Variants in PDE4A observed in about 807,000 individuals in gnomAD.
PDE4A encodes 3',5'-cyclic-AMP phosphodiesterase 4A.
A neutral mutation model predicts 73.9 loss-of-function variants in PDE4A; 21 were observed. The observed-to-expected ratio is 0.28, with a 90% CI of 0.20 to 0.41. The LOEUF (loss-of-function observed/expected upper bound fraction) is 0.41. Among genes scored for constraint, PDE4A ranks in the 10% least tolerant of loss-of-function variants. PDE4A has a pLI of 1.00. For missense variants in PDE4A, 958 were observed against 1,211.4 expected (o/e 0.79, Z 3.10); for synonymous variants, 463 against 505.4 (o/e 0.92, Z 1.13).
Position 10,420,934 on chromosome 19 carries a change from G to C in PDE4A, c.170G>C (p.Arg57Pro), listed in dbSNP as rs754143468. The change falls in exon 1 of 15, where the codon CGG becomes CCG. Residue 57 changes from arginine (R) to proline (P), a missense_variant. Physicochemically the swap from Arg to Pro is moderately radical, Grantham distance 103. Transcript: ENST00000380702. The surrounding 1 kb of genome is among the most constrained non-coding windows in gnomAD (Gnocchi z 6.0). The stretch of plus-strand genomic sequence containing the variant: ...TCCGACAGCGCGGAGCGCGCCGAGC[G>C]GGAGCGGCAGCCGCACCGGCCCATA... ...GYSDSAERAE[R>P]ERQPHRPIER... The C allele has an allele frequency of 6.4e-6, 10 of 1,573,262 alleles. No individual in the cohort carries two copies. Among genetic ancestry groups the C allele is most frequent in the Non-Finnish European group, 8.6e-6 (10 of 1,168,860 alleles).
At chr19:10,420,361 C>G (rs1223069044), upstream of PDE4A, 2 of 979,706 alleles carry the variant, frequency 2.0e-6, no homozygotes, top group East Asian at 1.1e-4. The surrounding 1 kb of genome is among the most constrained non-coding windows in gnomAD (Gnocchi z 6.0). Context: ...GAGCGGGGAT[C>G]TGCGTGGGCG....
intron 11 of PDE4A, among the ~76,000 whole-genome samples, 174 bp downstream of exon 11, chr19:10,461,277 TG>T (rs2043262750): frequency 2.2e-5 from 1 of 44,460 alleles, no homozygotes; most frequent in Non-Finnish European, 4.4e-5. Flanking sequence ...CTGGCTGGGC[TG>T]GAAAGGGGAT....
chr19:10,421,226 C>A, intron 1 of PDE4A, 142 bp downstream of exon 1: 2 of 1,335,098 alleles, frequency 1.5e-6, no homozygotes, highest in Non-Finnish European at 1.9e-6. Flanking sequence ...GCTGCGGGGG[C>A]GTCTGGGACC....
chr19:10,423,650 G>A (rs1025738964), intron 1 of PDE4A, among the ~76,000 whole-genome samples: 1 of 152,204 alleles, frequency 6.6e-6, no homozygotes, highest in Non-Finnish European at 1.5e-5. Context: ...AGGGTTCTGT[G>A]AGCTTGGAGA....
rs1256445946 is a variant in PDE4A, at chr19:10,430,643, CGG to C, written c.320+9561_320+9562del. Among the ~76,000 whole-genome samples the C allele has an allele frequency of 2.6e-5, 4 of 151,884 alleles. No homozygotes were observed. In the East Asian group the frequency reaches 7.8e-4, roughly 29 times the overall value. ...CCAACGCGGGCGGCTTTGGGGTCTG[CGG>C]GAGAGTCCCCACCAGAGCCGTGCGG... On this transcript the variant is annotated intron_variant, in intron 1 of 14. Coordinates refer to ENST00000380702, the MANE Select transcript of PDE4A (RefSeq NM_001111307.2).
intron 6 of PDE4A, among the ~76,000 whole-genome samples, chr19:10,451,360 GTGTC>G (rs1447384241): frequency 6.6e-6 from 1 of 152,066 alleles, no homozygotes; most frequent in African/African-American, 2.4e-5. Context: ...GGGGTGGGGT[GTGTC>G]TGTCTGGTTG....
chr19:10,464,429 T>G (rs2043329653), intron 14 of PDE4A: 1 of 455,246 alleles, frequency 2.2e-6, no homozygotes, highest in South Asian at 1.6e-5. Context: ...TTTATTTATT[T>G]ATTTTGAGAC....
rs200846665 is a variant in PDE4A at position 10,469,573 on chromosome 19, G to C, written c.*1952G>C. On this transcript the variant is annotated 3_prime_UTR_variant, in exon 15 of 15. Transcript: ENST00000380702. Reference sequence around the variant, plus strand: ...TGTCCACTTTGACGATCAGTCATTCGGTCCGTTGATCAATAATCCTTCGAT... The same window carrying C: ...TGTCCACTTTGACGATCAGTCATTCCGTCCGTTGATCAATAATCCTTCGAT... The C allele has an allele frequency of 2.0e-5, 3 of 152,298 alleles. No homozygotes were observed. The highest frequency in any genetic ancestry group is 4.4e-5 in the Non-Finnish European group (3 of 68,038). The allele number at this position is 152,298 out of a possible 1,614,324, so 9.4% of individuals were successfully genotyped here.
At chr19:10,449,028 C>T in intron 3 of PDE4A, 52 bp from the exon 4 acceptor site, 3 of 1,611,508 alleles carry the variant, frequency 1.9e-6, no homozygotes, top group Non-Finnish European at 2.5e-6. Flanking sequence ...AGGGCCCAGC[C>T]CCGCTGCCTC....
At chr19:10,427,139 A>C (rs2042727801) in intron 1 of PDE4A, among the ~76,000 whole-genome samples, 1 of 152,034 alleles carries the variant, frequency 6.6e-6, no homozygotes, top group Admixed American at 6.6e-5. Context: ...ATCTCTACTA[A>C]AAATACAAAA....
intron 14 of PDE4A, 186 bp from the exon 15 acceptor site, chr19:10,466,701 C>T (rs1445667936): frequency 2.9e-6 from 1 of 343,332 alleles, no homozygotes; most frequent in African/African-American, 2.2e-5. Flanking sequence ...ACCATGCTGG[C>T]CAGGCTGGTC....
At chr19:10,462,035 ACT>A (rs988191368) in intron 13 of PDE4A, 36 bp downstream of exon 13, 2 of 1,549,418 alleles carry the variant, frequency 1.3e-6, no homozygotes, top group African/African-American at 2.7e-5. Flanking sequence ...GAGGGAGGAC[ACT>A]CCCCCAGCCA....
chr19:10,466,719 C>G, intron 14 of PDE4A, 168 bp from the exon 15 acceptor site: 1 of 553,004 alleles, frequency 1.8e-6, no homozygotes, highest in Non-Finnish European at 2.3e-6. Context: ...GTCTCGAACT[C>G]CTGACCTCAA....
intron 1 of PDE4A, among the ~76,000 whole-genome samples, chr19:10,440,517 G>A (rs776995670): frequency 2.0e-5 from 3 of 152,074 alleles, no homozygotes; most frequent in Non-Finnish European, 4.4e-5. Flanking sequence ...TCTGCCTCCC[G>A]GGTTTAAGTG....
intron 1 of PDE4A, among the ~76,000 whole-genome samples, chr19:10,440,301 A>C (rs2042920133): frequency 6.6e-6 from 1 of 151,382 alleles, no homozygotes; most frequent in Non-Finnish European, 1.5e-5. Flanking sequence ...CTTTCTTTTG[A>C]TTTGCGTTTC....
At chr19:10,434,842 T>G (rs887991141) in intron 1 of PDE4A, among the ~76,000 whole-genome samples, 2 of 151,246 alleles carry the variant, frequency 1.3e-5, no homozygotes, top group African/African-American at 4.9e-5. Flanking sequence ...CTGCCCGCCT[T>G]GGCCTCCCAA....
At chr19:10,440,079 G>C (rs972234062) in intron 1 of PDE4A, among the ~76,000 whole-genome samples, 1 of 144,988 alleles carries the variant, frequency 6.9e-6, no homozygotes, top group Admixed American at 7.1e-5. Flanking sequence ...CTGCCACCCG[G>C]GTTCAAGCAA....
intron 1 of PDE4A, among the ~76,000 whole-genome samples, chr19:10,429,270 G>T (rs1162462434): frequency 1.6e-5 from 2 of 121,598 alleles, no homozygotes; most frequent in African/African-American, 3.5e-5. Flanking sequence ...AAGGAAAGAA[G>T]GAAGGAAGGA....
rs575743137 is a variant in PDE4A, at chr19:10,421,258, A to G, written c.320+174A>G. The G allele has an allele frequency of 5.1e-6, 5 of 985,296 alleles. No homozygotes were observed. In the East Asian group the frequency reaches 5.7e-4, roughly 112 times the overall value. The allele number at this position is 985,296 out of a possible 1,614,324, so 61.0% of individuals were successfully genotyped here. A position where few individuals can be genotyped will look rare whatever the true frequency, so the allele number is the denominator to read the frequency against. ...GACCTGGCCCCTGGTTGTGCGCTCT[A>G]CGGGAGGCTTCCTGCTGAAGCCCAT... On this transcript the variant is annotated intron_variant, in intron 1 of 14. Coordinates refer to ENST00000380702, the MANE Select transcript of PDE4A (RefSeq NM_001111307.2).
Sources: allele counts gnomAD v4.1 joint callset (sites outside exome capture counted in the v4.1 genomes callset), GRCh38; gene constraint gnomAD v4.1.1; non-coding constraint Gnocchi (gnomAD v3.1); transcripts MANE v1.5; gene names NCBI Gene and HGNC (gene_info 2026-07-23, HGNC 2026-07-21).